PFAS: variants seen among roughly 807,000 people sequenced by gnomAD.
The protein encoded by PFAS is phosphoribosylformylglycinamidine synthase.
In PFAS, 97 loss-of-function variants were observed where a neutral mutation model predicts 140.6. The observed-to-expected ratio is 0.69, with a 90% CI of 0.59 to 0.82. The LOEUF (loss-of-function observed/expected upper bound fraction) is 0.82. Ranked by LOEUF, PFAS falls within the 40% of genes least tolerant of loss-of-function variation. The pLI, the probability that PFAS is intolerant of heterozygous loss-of-function variation, is 0.00. For missense variants in PFAS, 1,656 were observed against 1,780.2 expected (o/e 0.93, Z 1.26); for synonymous variants, 679 against 718.8 (o/e 0.94, Z 0.88).
chr17:8,256,612 G>C lies in PFAS; in HGVS notation c.910G>C (p.Val304Leu), dbSNP rs778994652. ...CCAGCAACAGCAAGGGCTGAGACATGTTGTCTTCACAGCAGAGACTCACAA... is the reference window on the plus strand; with the variant it reads ...CCAGCAACAGCAAGGGCTGAGACATCTTGTCTTCACAGCAGAGACTCACAA... ...RFQQQQGLRH[V>L]VFTAETHNFP... Residue 304 changes from valine to leucine, a missense_variant, in exon 8 of 28, where the codon GTT becomes CTT. Transcript: ENST00000314666. The C allele has an allele frequency of 1.9e-6, 3 of 1,614,074 alleles. No homozygotes were observed. In the Admixed American group the frequency reaches 5.0e-5, roughly 27 times the overall value.
chr17:8,264,113 C>G, intron 15 of PFAS, 99 bp from the exon 16 acceptor site: 2 of 1,544,888 alleles, frequency 1.3e-6, no homozygotes, highest in Non-Finnish European at 1.8e-6. Flanking sequence ...GGAAACCAAA[C>G]AAGGAGTGGA....
rs1193646871 is a variant in PFAS, at chr17:8,267,928, TA to T, written c.3382+267del. On this transcript the variant is annotated intron_variant, in intron 26 of 27. Transcript: ENST00000314666. The surrounding 1 kb of genome is among the most constrained non-coding windows in gnomAD (Gnocchi z 4.9). ...TTTATATATATTATTTATATATTAT[TA>T]AAATGTATATTATTTATATATTATT... Among the ~76,000 whole-genome samples, 6 of 145,138 alleles carry T rather than the reference TA, an allele frequency of 4.1e-5. No homozygotes were observed. The highest frequency in any genetic ancestry group is 1.5e-4 in the African/African-American group (6 of 39,882).
intron 17 of PFAS, 118 bp downstream of exon 17, chr17:8,264,719 G>C (rs1198729254): frequency 1.7e-6 from 2 of 1,203,814 alleles, no homozygotes; most frequent in Non-Finnish European, 2.3e-6. Flanking sequence ...AAGCAGCAGG[G>C]GCAGGGCAGC....
chr17:8,268,876 G>C lies in PFAS; in HGVS notation c.3706+20G>C. 6.2e-7 allele frequency: 1 copy of C among 1,611,252 alleles called. No individual in the cohort carries two copies. The highest frequency in any genetic ancestry group is 8.5e-7 in the Non-Finnish European group (1 of 1,179,834). On this transcript the variant is annotated intron_variant, in intron 27 of 27. Transcript: ENST00000314666. ...GGGAAGGTCAGGCCCAAGGAAGGCT[G>C]GGGGAGGGCCCGAGGGTTGGGGGCA... is the stretch of plus-strand genomic sequence containing the variant.
intron 11 of PFAS, among the ~76,000 whole-genome samples, chr17:8,260,916 G>A (rs371091588): frequency 8.6e-5 from 13 of 151,308 alleles, no homozygotes; most frequent in African/African-American, 2.4e-4. Context: ...GAGCCACCGC[G>A]CCCGGCCTAT....
rs1989700261 is a variant in PFAS, at chr17:8,263,924, T to C, written c.1779T>C (p.Thr593=). Residue 593 remains threonine (T), a synonymous_variant, in exon 15 of 28, where the codon ACT becomes ACC. Transcript: ENST00000314666. The part of the protein sequence containing the change: ...RCPACFVGTI[T]GDRRIVLVDD... Reference sequence around the variant, plus strand: ...CGGCTTGCTTCGTGGGCACCATCACTGGAGACCGGAGAGTGAGTTGGCCCA... The same window carrying C: ...CGGCTTGCTTCGTGGGCACCATCACCGGAGACCGGAGAGTGAGTTGGCCCA... 1.2e-6 allele frequency: 2 copies of C among 1,612,772 alleles called. No individual in the cohort carries two copies. The highest frequency in any genetic ancestry group is 8.5e-7 in the Non-Finnish European group (1 of 1,179,924).
chr17:8,250,918 A>G (rs1696231207), intron 1 of PFAS, among the ~76,000 whole-genome samples: 1 of 151,656 alleles, frequency 6.6e-6, no homozygotes, highest in African/African-American at 2.4e-5. Context: ...TGAAACAGGG[A>G]GATGAAGAAA....
intron 1 of PFAS, among the ~76,000 whole-genome samples, chr17:8,250,351 T>G (rs964892673): frequency 2.2e-4 from 34 of 152,146 alleles, no homozygotes; most frequent in African/African-American, 8.0e-4. Flanking sequence ...GGTTAATGCA[T>G]TGGTCCAGGT....
chr17:8,256,890 C>T lies in PFAS; in HGVS notation c.1002C>T (p.Val334=), dbSNP rs770545866. The change falls in exon 9 of 28, where the codon GTC becomes GTT. Residue 334 remains valine, a synonymous_variant. Transcript: ENST00000314666. ...GCACAGGGGGCCGGATTCGAGATGT[C>T]CAGTGCACAGGCCGCGGGGCCCACG... ...TTGTGGRIRD[V]QCTGRGAHVV... is the part of the protein sequence containing the mutation. The T allele has an allele frequency of 1.2e-6, 2 of 1,614,012 alleles. No individual in the cohort carries two copies. The highest frequency in any genetic ancestry group is 1.1e-5 in the South Asian group (1 of 91,060).
At position 8,267,942 on chromosome 17, in the gene PFAS, T is replaced by C. The variant is rs1321456957; in HGVS notation, c.3382+277T>C. The stretch of plus-strand genomic sequence containing the variant: ...TTATATATTATTAAAATGTATATTA[T>C]TTATATATTATTAAAATATATATTA... On this transcript the variant is annotated intron_variant, in intron 26 of 27. Transcript: ENST00000314666. This position sits in a 1 kb window ranked among gnomAD's most constrained non-coding sequence, Gnocchi z 4.9. Among the ~76,000 whole-genome samples the C allele has an allele frequency of 1.4e-5, 2 of 144,900 alleles. No individual in the cohort carries two copies. Among genetic ancestry groups the C allele is most frequent in the African/African-American group, 2.5e-5 (1 of 39,988 alleles).
At position 8,267,050 on chromosome 17, in the gene PFAS, C is replaced by T; in HGVS notation, c.2990C>T (p.Ala997Val). ...TAGGTCCGGGTGTCAGTGAACGGGG[C>T]TGTGGTTCTGGAGGAGCCTGTTGGG... Reference protein sequence around the residue: ...HAMVRVSVNGAVVLEEPVGEL... With the variant: ...HAMVRVSVNGVVVLEEPVGEL... Residue 997 changes from alanine to valine, a missense_variant, in exon 24 of 28, where the codon GCT (alanine) becomes GTT (valine). Ala to Val is a moderately conservative substitution (Grantham distance 64). Around this residue, in one of 2 missense-constraint regions of PFAS, gnomAD observed 883 missense variants for 1,023.0 expected, o/e 0.86. Transcript: ENST00000314666. The surrounding 1 kb of genome is among the most constrained non-coding windows in gnomAD (Gnocchi z 4.9). 2 of 1,613,980 alleles carry T rather than the reference C, an allele frequency of 1.2e-6. No homozygotes were observed. Among genetic ancestry groups the T allele is most frequent in the Non-Finnish European group, 1.7e-6 (2 of 1,180,016 alleles).
At position 8,253,932 on chromosome 17, in the gene PFAS, G is replaced by C. The variant is rs763042045; in HGVS notation, c.-6G>C. On this transcript the variant is annotated 5_prime_UTR_variant, in exon 2 of 28. Transcript: ENST00000314666. ...CACCTCTCTCCAGCAAAGGACACCTGCAGAGATGTCCCCAGTCCTTCACTT... is the reference window on the plus strand; with the variant it reads ...CACCTCTCTCCAGCAAAGGACACCTCCAGAGATGTCCCCAGTCCTTCACTT... 5.6e-6 allele frequency: 9 copies of C among 1,610,278 alleles called. No homozygotes were observed. The highest frequency in any genetic ancestry group is 6.8e-6 in the Non-Finnish European group (8 of 1,177,476).
intron 11 of PFAS, 149 bp downstream of exon 11, chr17:8,258,348 TG>T: frequency 1.1e-6 from 1 of 872,638 alleles, no homozygotes; most frequent in Non-Finnish European, 1.8e-6. Flanking sequence ...CAACTCATTC[TG>T]AGAAATGTGG....
upstream of PFAS, chr17:8,248,245 ATTTTT>A (rs113481309): frequency 8.5e-6 from 4 of 470,338 alleles, no homozygotes; most frequent in Non-Finnish European, 1.5e-5. Context: ...CTTTTCTCTG[ATTTTT>A]TTTTTTTTAA....
rs776533212 is a variant in PFAS at position 8,267,618 on chromosome 17, C to T, written c.3335C>T (p.Ala1112Val). The T allele has an allele frequency of 2.5e-6, 4 of 1,612,936 alleles. No individual in the cohort carries two copies. The South Asian group carries it at 3.3e-5, about 13-fold the overall frequency. Reference sequence around the variant, plus strand: ...GGGCTGGACACTTTCCGTGGCGTGGCCTTCGTGGGCGGCTTCAGCTATGCA... The same window carrying T: ...GGGCTGGACACTTTCCGTGGCGTGGTCTTCGTGGGCGGCTTCAGCTATGCA... ...AIGLDTFRGV[A>V]FVGGFSYADV... The change falls in exon 26 of 28, where the codon GCC (alanine) becomes GTC (valine). Residue 1112 changes from alanine to valine, a missense_variant. This residue lies in a region of PFAS where 883 missense variants were observed against 1,023.0 expected (regional missense o/e 0.86). Coordinates refer to ENST00000314666, the MANE Select transcript of PFAS (RefSeq NM_012393.3). This position sits in a 1 kb window ranked among gnomAD's most constrained non-coding sequence, Gnocchi z 4.9.
At chr17:8,254,968 C>A in intron 3 of PFAS, 59 bp from the exon 4 acceptor site, 2 of 1,217,354 alleles carry the variant, frequency 1.6e-6, no homozygotes, top group South Asian at 1.2e-5. Flanking sequence ...CAGGATCCAC[C>A]CTCCCAGCTG....
At chr17:8,265,735 T>C in intron 20 of PFAS, 96 bp downstream of exon 20, 1 of 1,363,782 alleles carries the variant, frequency 7.3e-7, no homozygotes, top group Non-Finnish European at 1.0e-6. Flanking sequence ...AACACTGGGC[T>C]GTGGTGTTTT....
At chr17:8,264,798 A>G (rs1434081687) in intron 17 of PFAS, 97 bp from the exon 18 acceptor site, 2 of 1,021,488 alleles carry the variant, frequency 2.0e-6, no homozygotes, top group African/African-American at 1.6e-5. Context: ...TGGGGGAAAG[A>G]CAGGCCTCCC....
chr17:8,267,147 AGAG>A lies in PFAS; in HGVS notation c.3093_3095del (p.Glu1032del). The stretch of plus-strand genomic sequence containing the variant: ...TACAGGCAGAGCCTCGCTGTGTGGC[AGAG>A]GAGGAACGGGGCCTGAGGGAGCGGA... On this transcript the variant is annotated inframe_deletion, in exon 24 of 28. Transcript: ENST00000314666. This position sits in a 1 kb window ranked among gnomAD's most constrained non-coding sequence, Gnocchi z 4.9. 6.2e-7 allele frequency: 1 copy of A among 1,612,050 alleles called. No homozygotes were observed. Among genetic ancestry groups the A allele is most frequent in the Non-Finnish European group, 8.5e-7 (1 of 1,179,332 alleles).
Sources: allele counts gnomAD v4.1 joint callset (sites outside exome capture counted in the v4.1 genomes callset), GRCh38; gene constraint gnomAD v4.1.1; regional missense constraint gnomAD v4.1.1; non-coding constraint Gnocchi (gnomAD v3.1); transcripts MANE v1.5; gene names NCBI Gene and HGNC (gene_info 2026-07-23, HGNC 2026-07-21).